The following CACNA2D3 variants were observed in gnomAD, a reference collection of about 807,000 sequenced individuals.
The protein encoded by CACNA2D3 is voltage-dependent calcium channel subunit alpha-2/delta-3.
In CACNA2D3, 60 loss-of-function variants were observed where a neutral mutation model predicts 160.6. The ratio of observed to expected loss-of-function variants is 0.37; its 90% confidence interval spans 0.30 to 0.46. The LOEUF (loss-of-function observed/expected upper bound fraction) is 0.46, where lower values mean the gene tolerates loss of function less well. Among genes scored for constraint, CACNA2D3 ranks in the 20% least tolerant of loss-of-function variants. The probability of loss-of-function intolerance (pLI) is 1.00; values close to 1 mark genes in which losing one functional copy is unlikely to be tolerated. For missense variants in CACNA2D3, 1,205 were observed against 1,365.0 expected (o/e 0.88, Z 1.85); for synonymous variants, 558 against 492.9 (o/e 1.13, Z -1.75).
chr3:54,445,852 G>C (rs1396507777), intron 4 of CACNA2D3, among the ~76,000 whole-genome samples: 1 of 152,176 alleles, frequency 6.6e-6, no homozygotes, highest in Non-Finnish European at 1.5e-5. Flanking sequence ...TTCTAGGAGG[G>C]TAGATGTTTA....
chr3:54,429,674 A>G (rs949798678), intron 4 of CACNA2D3, among the ~76,000 whole-genome samples: 3 of 152,164 alleles, frequency 2.0e-5, no homozygotes, highest in Admixed American at 1.3e-4. Context: ...GCACTTTGCC[A>G]GACTCTACTC....
chr3:54,897,418 C>G (rs1377011322), intron 26 of CACNA2D3, among the ~76,000 whole-genome samples: 1 of 152,156 alleles, frequency 6.6e-6, no homozygotes, highest in Non-Finnish European at 1.5e-5. Flanking sequence ...TTAAAGTCAC[C>G]TGCCTCCAAA....
intron 3 of CACNA2D3, among the ~76,000 whole-genome samples, chr3:54,331,849 A>G (rs1704264976): frequency 6.6e-6 from 1 of 152,172 alleles, no homozygotes; most frequent in Non-Finnish European, 1.5e-5. Context: ...TCCCAATCTC[A>G]AAAAGGTTTG....
chr3:54,985,510 C>T (rs1370531920), intron 30 of CACNA2D3, among the ~76,000 whole-genome samples: 2 of 152,196 alleles, frequency 1.3e-5, no homozygotes, highest in Non-Finnish European at 1.5e-5. Flanking sequence ...GATGTTAGCT[C>T]TCTTCCTTAA....
At chr3:54,380,105 C>T (rs552183858) in intron 3 of CACNA2D3, among the ~76,000 whole-genome samples, 2 of 152,260 alleles carry the variant, frequency 1.3e-5, no homozygotes, top group East Asian at 3.9e-4. Flanking sequence ...TTTATTTCTC[C>T]AATGTAACAG....
At chr3:54,956,503 T>C (rs1701897236) in intron 27 of CACNA2D3, among the ~76,000 whole-genome samples, 1 of 152,166 alleles carries the variant, frequency 6.6e-6, no homozygotes, top group African/African-American at 2.4e-5. Flanking sequence ...GTCTTAACGT[T>C]CTCAGTCTTT....
At chr3:54,950,059 G>A (rs958623035) in intron 27 of CACNA2D3, among the ~76,000 whole-genome samples, 4 of 152,130 alleles carry the variant, frequency 2.6e-5, no homozygotes, top group Non-Finnish European at 2.9e-5. Flanking sequence ...TGCATTTCAG[G>A]GCCATGCTAA....
intron 5 of CACNA2D3, among the ~76,000 whole-genome samples, chr3:54,516,680 G>C (rs1328776000): frequency 6.6e-6 from 1 of 152,176 alleles, no homozygotes; most frequent in African/African-American, 2.4e-5. Flanking sequence ...CTTTGAAGCA[G>C]AGCCCCAGCG....
At chr3:54,619,944 C>T (rs1698946467) in intron 9 of CACNA2D3, among the ~76,000 whole-genome samples, 1 of 152,066 alleles carries the variant, frequency 6.6e-6, no homozygotes, top group Non-Finnish European at 1.5e-5. Flanking sequence ...TGTGTGTTGT[C>T]AGGAGGAATT....
At chr3:54,787,240 C>G (rs1394689300) in intron 13 of CACNA2D3, among the ~76,000 whole-genome samples, 1 of 152,222 alleles carries the variant, frequency 6.6e-6, no homozygotes, top group African/African-American at 2.4e-5. Context: ...GATAACAATA[C>G]AGTCTGATTC....
rs116573656 is a variant in CACNA2D3 at position 54,361,500 on chromosome 3, T to A, written c.322-25215T>A. 6.6e-3 allele frequency among the ~76,000 whole-genome samples: 1,005 copies of A among 152,344 alleles called. 12 individuals carry two copies. The highest frequency in any genetic ancestry group is 0.023 in the African/African-American group (961 of 41,586). ...TCATTTGAGGATCAGAAAATACCAT[T>A]TACTTTGTGATTTCATGATGGGCAG... On this transcript the variant is annotated intron_variant, in intron 3 of 37. Transcript: ENST00000474759.
intron 28 of CACNA2D3, among the ~76,000 whole-genome samples, chr3:54,968,826 A>G (rs997400609): frequency 2.6e-5 from 4 of 152,154 alleles, no homozygotes; most frequent in Non-Finnish European, 5.9e-5. Flanking sequence ...CTTTCTCCTA[A>G]TCCTGTGGTC....
intron 3 of CACNA2D3, among the ~76,000 whole-genome samples, chr3:54,342,917 C>T (rs1218468623): frequency 6.6e-6 from 1 of 152,134 alleles, no homozygotes; most frequent in Non-Finnish European, 1.5e-5. Flanking sequence ...CTCAGAGGAG[C>T]ATGAGGCCCG....
intron 4 of CACNA2D3, among the ~76,000 whole-genome samples, chr3:54,430,986 A>G (rs1168179758): frequency 1.3e-5 from 2 of 152,172 alleles, no homozygotes; most frequent in East Asian, 3.8e-4. Flanking sequence ...TGTGTGTTAT[A>G]TGTAGTATAT....
intron 9 of CACNA2D3, among the ~76,000 whole-genome samples, chr3:54,623,850 G>A (rs1699040263): frequency 6.6e-6 from 1 of 152,190 alleles, no homozygotes; most frequent in Admixed American, 6.5e-5. Flanking sequence ...AATTCTACAT[G>A]TGGCTCAAGG....
chr3:54,400,325 A>G (rs888296485), intron 4 of CACNA2D3, among the ~76,000 whole-genome samples: 3 of 151,872 alleles, frequency 2.0e-5, no homozygotes, highest in Non-Finnish European at 4.4e-5. Context: ...GGCTCCTCCG[A>G]GAGTGAACCT....
At chr3:54,749,087 A>G (rs977802055) in intron 11 of CACNA2D3, among the ~76,000 whole-genome samples, 3 of 152,238 alleles carry the variant, frequency 2.0e-5, no homozygotes, top group Non-Finnish European at 4.4e-5. Context: ...GGAAGTAGCA[A>G]TGTCATTACT....
intron 2 of CACNA2D3, among the ~76,000 whole-genome samples, chr3:54,225,223 G>A (rs1431373715): frequency 1.3e-5 from 2 of 151,922 alleles, no homozygotes; most frequent in African/African-American, 4.8e-5. Flanking sequence ...TTGTCCTTGT[G>A]ATAGTTTGCT....
chr3:54,589,680 A>G (rs1481878437), intron 9 of CACNA2D3, among the ~76,000 whole-genome samples: 1 of 152,192 alleles, frequency 6.6e-6, no homozygotes, highest in Admixed American at 6.5e-5. Flanking sequence ...TATATAGAGA[A>G]TATATAAGTA....
Sources: gnomAD v4.1 joint callset for allele counts (sites outside exome capture counted in the v4.1 genomes callset) on GRCh38, gnomAD v4.1.1 for gene constraint, MANE v1.5 for transcripts, NCBI Gene and HGNC (gene_info 2026-07-23, HGNC 2026-07-21) for gene names.